The following RYR2 variants were observed in gnomAD, a reference collection of about 807,000 sequenced individuals.
RYR2 encodes cardiac muscle ryanodine receptor-calcium release channel.
A neutral mutation model predicts 601.1 loss-of-function variants in RYR2; 227 were observed. That is an observed-to-expected ratio of 0.38 (90% CI 0.34 to 0.42). RYR2 has a LOEUF of 0.42. Ranked by LOEUF, RYR2 falls within the 10% of genes least tolerant of loss-of-function variation. RYR2 has a pLI of 1.00. For synonymous variants in RYR2, 2,223 were observed against 2,175.1 expected, an observed-to-expected ratio of 1.02 and a Z score of -0.61; for missense variants, 4,646 against 6,156.5, an observed-to-expected ratio of 0.75 and a Z score of 8.21.
intron 16 of RYR2, among the ~76,000 whole-genome samples, chr1:237,456,936 C>T (rs1288633734): frequency 6.6e-6 from 1 of 151,948 alleles, no homozygotes; most frequent in African/African-American, 2.4e-5. Context: ...AAAAATCAAA[C>T]ACAAAAGCAA....
At chr1:237,431,644 T>G (rs1706814366) in intron 12 of RYR2, among the ~76,000 whole-genome samples, 1 of 152,198 alleles carries the variant, frequency 6.6e-6, no homozygotes, top group Non-Finnish European at 1.5e-5. Flanking sequence ...TCTCTGAATA[T>G]TTCTATATAT....
At chr1:237,741,298 C>T (rs1421373909) in intron 79 of RYR2, among the ~76,000 whole-genome samples, 1 of 152,018 alleles carries the variant, frequency 6.6e-6, no homozygotes, top group African/African-American at 2.4e-5. Context: ...GTTTACCTTC[C>T]CTCCCATCCC....
intron 23 of RYR2, among the ~76,000 whole-genome samples, chr1:237,510,461 G>C (rs909441661): frequency 5.3e-5 from 8 of 152,184 alleles, no homozygotes; most frequent in Admixed American, 3.3e-4. Flanking sequence ...TAGAGATTTA[G>C]AGTTTAGAAT....
chr1:237,511,833 T>TAAAA (rs1558946161), intron 24 of RYR2, 42 bp downstream of exon 24: 3 of 274,834 alleles, frequency 1.1e-5, no homozygotes, highest in African/African-American at 4.0e-5. Context: ...CTGCCTTCCC[T>TAAAA]GAAAAAAAAA....
chr1:237,474,768 C>A (rs1661216162), intron 17 of RYR2, among the ~76,000 whole-genome samples: 1 of 152,154 alleles, frequency 6.6e-6, no homozygotes, highest in South Asian at 2.1e-4. Flanking sequence ...TGGTAGGCTG[C>A]AGCCATCTGC....
chr1:237,045,187 G>A (rs984737532), intron 1 of RYR2, among the ~76,000 whole-genome samples: 8 of 152,094 alleles, frequency 5.3e-5, no homozygotes, highest in Non-Finnish European at 1.2e-4. Context: ...TATTGGATTT[G>A]TATTCAGCAC....
chr1:237,645,325 C>T lies in RYR2; in HGVS notation c.7342+1878C>T, dbSNP rs114270618. ...AAAGCTAGAAATTAAAAATCTTCCC[C>T]GCCTTTGGCTTCCCCATTTGAGACA... is the stretch of plus-strand genomic sequence containing the variant. On this transcript the variant is annotated intron_variant, in intron 48 of 104. Coordinates refer to ENST00000366574, the MANE Select transcript of RYR2 (RefSeq NM_001035.3). Among the ~76,000 whole-genome samples the T allele has an allele frequency of 3.1e-3, 466 of 152,320 alleles. 2 individuals carry two copies. Among genetic ancestry groups the T allele is most frequent in the African/African-American group, 0.011 (438 of 41,574 alleles).
chr1:237,369,927 C>T (rs575529960), intron 6 of RYR2, among the ~76,000 whole-genome samples: 1 of 152,092 alleles, frequency 6.6e-6, no homozygotes, highest in African/African-American at 2.4e-5. Flanking sequence ...TTGAAGAGTT[C>T]ATTTATTAGA....
intron 1 of RYR2, among the ~76,000 whole-genome samples, chr1:237,259,503 C>G (rs890124229): frequency 5.4e-5 from 8 of 148,838 alleles, no homozygotes; most frequent in African/African-American, 2.0e-4. Flanking sequence ...GAGACTCCAG[C>G]CTGGGCAACA....
At chr1:237,767,903 G>A (rs953067414) in intron 84 of RYR2, among the ~76,000 whole-genome samples, 1 of 152,114 alleles carries the variant, frequency 6.6e-6, no homozygotes, top group African/African-American at 2.4e-5. Flanking sequence ...AGAGTCAACT[G>A]TATAGATTAT....
rs1435375697 is a variant in RYR2, at chr1:237,784,379, A to G, written c.12667A>G (p.Lys4223Glu). ...GTCAGCGAATAAGGAAGAAAGCGAGAAGGAGAGGCCGGAAGAGCAGGGGCC... is the reference window on the plus strand; with the variant it reads ...GTCAGCGAATAAGGAAGAAAGCGAGGAGGAGAGGCCGGAAGAGCAGGGGCC... ...ERSANKEESEKERPEEQGPRM... is the reference protein window; with the variant it reads ...ERSANKEESEEERPEEQGPRM... The change falls in exon 90 of 105, where the codon AAG (lysine) becomes GAG (glutamate). Residue 4223 changes from lysine (K) to glutamate (E), a missense_variant. Physicochemically the swap from Lys to Glu is moderately conservative, Grantham distance 56 (BLOSUM62 1). Coordinates refer to ENST00000366574, the MANE Select transcript of RYR2 (RefSeq NM_001035.3). The surrounding 1 kb of genome is among the most constrained non-coding windows in gnomAD (Gnocchi z 7.1). 1 of 1,613,568 alleles carries G rather than the reference A, an allele frequency of 6.2e-7. No homozygotes were observed. Among genetic ancestry groups the G allele is most frequent in the Non-Finnish European group, 8.5e-7 (1 of 1,179,552 alleles).
chr1:237,364,410 G>T, intron 5 of RYR2, 38 bp downstream of exon 5: 1 of 1,176,880 alleles, frequency 8.5e-7, no homozygotes, highest in Non-Finnish European at 1.2e-6. Flanking sequence ...TATATATATA[G>T]CAGATATATT....
At chr1:237,479,095 G>A (rs1301705407) in intron 17 of RYR2, among the ~76,000 whole-genome samples, 3 of 152,232 alleles carry the variant, frequency 2.0e-5, no homozygotes, top group East Asian at 3.9e-4. Context: ...GCTTAGTGGC[G>A]AATGATTCAA....
At chr1:237,366,467 A>G (rs993823088) in intron 5 of RYR2, among the ~76,000 whole-genome samples, 1 of 151,878 alleles carries the variant, frequency 6.6e-6, no homozygotes, top group Non-Finnish European at 1.5e-5. Flanking sequence ...AGTGGCATGA[A>G]CATAGCTCAC....
chr1:237,068,376 T>G (rs1386391285), intron 1 of RYR2, among the ~76,000 whole-genome samples: 1 of 152,160 alleles, frequency 6.6e-6, no homozygotes, highest in East Asian at 1.9e-4. Context: ...AATGAAATGT[T>G]CTTATGTTCT....
intron 2 of RYR2, among the ~76,000 whole-genome samples, chr1:237,307,625 T>C (rs1173233929): frequency 2.6e-5 from 4 of 152,226 alleles, no homozygotes; most frequent in Non-Finnish European, 4.4e-5. Context: ...TTTTCATATT[T>C]GTTAGCATTC....
intron 25 of RYR2, among the ~76,000 whole-genome samples, chr1:237,533,538 G>C (rs1479002896): frequency 6.6e-6 from 1 of 152,040 alleles, no homozygotes; most frequent in Admixed American, 6.6e-5. Context: ...ATAAGAAAAT[G>C]AATCAAGTTG....
chr1:237,342,701 G>C (rs1697933021), intron 3 of RYR2, among the ~76,000 whole-genome samples: 1 of 152,082 alleles, frequency 6.6e-6, no homozygotes, highest in Non-Finnish European at 1.5e-5. Context: ...GAAGCATTAA[G>C]TCTTAAGACC....
chr1:237,806,119 C>T lies in RYR2; in HGVS notation c.14152-18C>T, dbSNP rs1368886961. 18 of 1,610,428 alleles carry T rather than the reference C, an allele frequency of 1.1e-5. No homozygotes were observed. The highest frequency in any genetic ancestry group is 2.2e-5 in the South Asian group (2 of 90,614). On this transcript the variant is annotated intron_variant, in intron 98 of 104. Transcript: ENST00000366574. ...TCTGTTTTCTGACATGTTCTTTCCC[C>T]CCGTTTTGTCTTAATAGTCCTTCCT...
Sources: gnomAD v4.1 joint callset for allele counts (sites outside exome capture counted in the v4.1 genomes callset) on GRCh38, gnomAD v4.1.1 for gene constraint, Gnocchi (gnomAD v3.1) non-coding constraint, MANE v1.5 for transcripts, NCBI Gene and HGNC (gene_info 2026-07-23, HGNC 2026-07-21) for gene names.